The following TFEB variants were observed in gnomAD, a reference collection of about 807,000 sequenced individuals.
TFEB encodes T-cell transcription factor EB.
TFEB carries 12 observed loss-of-function variants against 48.0 expected under a neutral mutation model. The observed-to-expected ratio is 0.25, with a 90% confidence interval of 0.16 to 0.40. TFEB has a LOEUF of 0.40. Ranked by LOEUF, TFEB falls within the 10% of genes least tolerant of loss-of-function variation. The pLI is 1.00. For synonymous variants in TFEB, 244 were observed against 261.4 expected (o/e 0.93, Z 0.64); for missense variants, 509 against 640.3 (o/e 0.79, Z 2.21).
At chr6:41,716,079 C>T (rs1770723346) in intron 1 of TFEB, among the ~76,000 whole-genome samples, 1 of 152,238 alleles carries the variant, frequency 6.6e-6, no homozygotes, top group Non-Finnish European at 1.5e-5. Flanking sequence ...AATACCACCA[C>T]CTCTCTATTA....
intron 1 of TFEB, among the ~76,000 whole-genome samples, chr6:41,693,489 T>G (rs1359828175): frequency 6.6e-6 from 1 of 152,106 alleles, no homozygotes; most frequent in Non-Finnish European, 1.5e-5. Flanking sequence ...TCTGAGCCCA[T>G]GCTGGGGAGG....
intron 1 of TFEB, among the ~76,000 whole-genome samples, chr6:41,711,174 C>T (rs1006448000): frequency 2.0e-5 from 3 of 152,198 alleles, no homozygotes; most frequent in African/African-American, 7.2e-5. Flanking sequence ...TTGGCCTTCC[C>T]AATAACACTA....
At position 41,691,223 on chromosome 6, in the gene TFEB, C is replaced by T. The variant is rs759828876; in HGVS notation, c.-10G>A. The T allele has an allele frequency of 9.6e-6, 15 of 1,570,560 alleles. No individual in the cohort carries two copies. Among genetic ancestry groups the T allele is most frequent in the African/African-American group, 1.4e-5 (1 of 74,026 alleles). ...CTATGCGTGACGCCATGGTGGCTGC[C>T]GGCGCTGGCTCCCTGTGGATGAGAA... On this transcript the variant is annotated 5_prime_UTR_variant, in exon 2 of 9. Transcript: ENST00000373033. The surrounding 1 kb of genome is among the most constrained non-coding windows in gnomAD (Gnocchi z 5.2).
chr6:41,693,633 G>A (rs964478955), intron 1 of TFEB, among the ~76,000 whole-genome samples: 1 of 152,104 alleles, frequency 6.6e-6, no homozygotes, highest in African/African-American at 2.4e-5. Flanking sequence ...CGACAAGGTA[G>A]GAAGGCAGGC....
At chr6:41,687,594 C>T (rs888477852) in intron 6 of TFEB, 159 bp downstream of exon 6, 4 of 863,036 alleles carry the variant, frequency 4.6e-6, no homozygotes, top group African/African-American at 3.4e-5. Context: ...GTCCCAGGCA[C>T]CACTGAGCGA....
intron 1 of TFEB, among the ~76,000 whole-genome samples, chr6:41,722,652 A>G (rs1024155701): frequency 2.0e-5 from 3 of 152,256 alleles, no homozygotes; most frequent in African/African-American, 7.2e-5. Context: ...GCTGGTACAG[A>G]TGAATCACTG....
rs898706163 is a variant in TFEB, at chr6:41,684,481, G to A, written c.*118C>T. The A allele has an allele frequency of 3.9e-6, 5 of 1,275,900 alleles. No individual in the cohort carries two copies. In the African/African-American group the frequency reaches 4.6e-5, roughly 12 times the overall value. The allele number at this position is 1,275,900 out of a possible 1,614,324, so 79.0% of individuals were successfully genotyped here. A position where few individuals can be genotyped will look rare whatever the true frequency, so the allele number is the denominator to read the frequency against. On this transcript the variant is annotated 3_prime_UTR_variant, in exon 9 of 9. Transcript: ENST00000373033. ...CCAAACAGGGGCCAACGGGGAGGAG[G>A]GAGGCAGGGCAGGTGGCTACTTCAC...
intron 1 of TFEB, among the ~76,000 whole-genome samples, chr6:41,695,201 G>T (rs796172403): frequency 6.6e-6 from 1 of 152,190 alleles, no homozygotes; most frequent in African/African-American, 2.4e-5. Context: ...GGGGCCATTG[G>T]GGGGATTCAA....
chr6:41,710,182 T>C (rs952577831), intron 1 of TFEB, among the ~76,000 whole-genome samples: 6 of 152,246 alleles, frequency 3.9e-5, no homozygotes, highest in Non-Finnish European at 1.5e-5. Context: ...CTAATGGGCC[T>C]TAGCCACATA....
intron 1 of TFEB, among the ~76,000 whole-genome samples, chr6:41,694,019 C>T (rs2127451170): frequency 6.7e-6 from 1 of 148,254 alleles, no homozygotes; most frequent in South Asian, 2.2e-4. Flanking sequence ...CCCTTGGGGA[C>T]AATCTGACTT....
chr6:41,700,569 C>A (rs1176486203), intron 1 of TFEB, among the ~76,000 whole-genome samples: 1 of 152,166 alleles, frequency 6.6e-6, no homozygotes, highest in Admixed American at 6.5e-5. Context: ...GGCAGCAGAG[C>A]AAGACCCCAG....
upstream of TFEB, among the ~76,000 whole-genome samples, chr6:41,735,869 C>T (rs1771659444): frequency 6.6e-6 from 1 of 152,198 alleles, no homozygotes; most frequent in Non-Finnish European, 1.5e-5. Flanking sequence ...CATTCTGTAG[C>T]CTGTCCGACC....
chr6:41,700,519 C>A (rs1561858545), intron 1 of TFEB, among the ~76,000 whole-genome samples: 1 of 151,466 alleles, frequency 6.6e-6, no homozygotes, highest in Non-Finnish European at 1.5e-5. Flanking sequence ...CATGAGGAAG[C>A]AGAGGCTCCA....
chr6:41,727,034 C>T (rs1858584), intron 1 of TFEB, among the ~76,000 whole-genome samples: 17,368 of 152,130 alleles, frequency 0.11, 1,368 homozygotes, highest in African/African-American at 0.21. Flanking sequence ...CCACAGGAGC[C>T]GACTACCATA....
intron 3 of TFEB, 151 bp downstream of exon 3, chr6:41,690,512 T>G: frequency 1.1e-6 from 1 of 902,080 alleles, no homozygotes; most frequent in Non-Finnish European, 1.5e-6. Flanking sequence ...CCCCCTGAGA[T>G]TGGGGCTCCC....
Position 41,688,389 on chromosome 6 carries a change from A to T in TFEB, c.550-361T>A, listed in dbSNP as rs561065999. 2.6e-5 allele frequency among the ~76,000 whole-genome samples: 4 copies of T among 152,016 alleles called. No individual in the cohort carries two copies. In the East Asian group the frequency reaches 7.8e-4, roughly 30 times the overall value. ...GTGGAACTCTGAGTCTTGAGCAGAG[A>T]TGTGAGGCAAGGCACTCCGGGCAGC... On this transcript the variant is annotated intron_variant, in intron 4 of 8. Transcript: ENST00000373033.
At chr6:41,689,657 C>T in intron 4 of TFEB, 74 bp downstream of exon 4, 1 of 1,224,990 alleles carries the variant, frequency 8.2e-7, no homozygotes, top group South Asian at 1.2e-5. Flanking sequence ...TCCACTCTCT[C>T]CAGGCTCAGA....
rs1460480059 is a variant in TFEB at position 41,715,804 on chromosome 6, G to A, written c.-23+19546C>T. 4.6e-5 allele frequency among the ~76,000 whole-genome samples: 7 copies of A among 152,234 alleles called. No individual in the cohort carries two copies. The East Asian group carries it at 5.8e-4, about 13-fold the overall frequency. On this transcript the variant is annotated intron_variant, in intron 1 of 8. Coordinates refer to ENST00000373033, the MANE Select transcript of TFEB (RefSeq NM_001271944.2). ...CTTTCTTGTATATAAAGAAGTGGGC[G>A]TTCAGGAAGATTAAGTGACTCATCC...
Position 41,734,439 on chromosome 6 carries a change from G to C in TFEB, c.-23+911C>G, listed in dbSNP as rs1771585560. 1.1e-6 allele frequency: 1 copy of C among 946,742 alleles called. No individual in the cohort carries two copies. The highest frequency in any genetic ancestry group is 6.2e-5 in the Admixed American group (1 of 16,126). The allele number at this position is 946,742 out of a possible 1,614,324, so 58.6% of individuals were successfully genotyped here. ...CGGGGAGGGGGCCGAGCTGGCATCT[G>C]CCCGCTCCCTTCCAGGAGGCGAGCG... On this transcript the variant is annotated intron_variant, in intron 1 of 8. Coordinates refer to ENST00000373033, the MANE Select transcript of TFEB (RefSeq NM_001271944.2). This position sits in a 1 kb window ranked among gnomAD's most constrained non-coding sequence, Gnocchi z 4.0.
Sources: allele counts gnomAD v4.1 joint callset (sites outside exome capture counted in the v4.1 genomes callset), GRCh38; gene constraint gnomAD v4.1.1; non-coding constraint Gnocchi (gnomAD v3.1); transcripts MANE v1.5; gene names NCBI Gene and HGNC (gene_info 2026-07-23, HGNC 2026-07-21).